Variants in GGA2 observed in about 807,000 individuals in gnomAD.
GGA2 encodes golgi associated, gamma adaptin ear containing, ARF binding protein 2.
In GGA2, 48 loss-of-function variants were observed where a neutral mutation model predicts 79.5. That is an observed-to-expected ratio of 0.60 (90% CI 0.48 to 0.77). The LOEUF is 0.77. Ranked by LOEUF, GGA2 falls within the 30% of genes least tolerant of loss-of-function variation. The pLI, the probability that GGA2 is intolerant of heterozygous loss-of-function variation, is 0.00. For missense variants in GGA2, 770 were observed against 774.0 expected (o/e 0.99, Z 0.06); for synonymous variants, 317 against 302.0 (o/e 1.05, Z -0.51).
At chr16:23,476,459 A>G (rs564385463) in intron 13 of GGA2, among the ~76,000 whole-genome samples, 1 of 152,306 alleles carries the variant, frequency 6.6e-6, no homozygotes, top group East Asian at 1.9e-4. Context: ...GATCTATACT[A>G]TAAGGCACTC....
chr16:23,523,051 T>C (rs763175275), upstream of GGA2: 6 of 152,226 alleles, frequency 3.9e-5, no homozygotes, highest in Non-Finnish European at 5.9e-5. Flanking sequence ...TTTTATGACT[T>C]ACCCTCAGAA....
chr16:23,514,860 A>G (rs967650169), upstream of GGA2, among the ~76,000 whole-genome samples: 1 of 152,092 alleles, frequency 6.6e-6, no homozygotes, highest in East Asian at 1.9e-4. Context: ...ATGTGTCAGA[A>G]TCAGGTTTGT....
chr16:23,485,354 A>C (rs1042921700), intron 8 of GGA2, among the ~76,000 whole-genome samples: 4 of 152,196 alleles, frequency 2.6e-5, no homozygotes, highest in African/African-American at 9.7e-5. Context: ...TTATCTCATA[A>C]AGATGCTATA....
chr16:23,488,704 T>C lies in GGA2; in HGVS notation c.481A>G (p.Ile161Val), dbSNP rs1394422343. Reference sequence around the variant, plus strand: ...ACTGGTAGTTTAGGGTCTTGTTTTATAATTCCTAAAAATGCAATTTACAAA... The same window carrying C: ...ACTGGTAGTTTAGGGTCTTGTTTTACAATTCCTAAAAATGCAATTTACAAA... ...AYQMLKKQGI[I>V]KQDPKLPVDK... Residue 161 changes from isoleucine to valine, a missense_variant, in exon 6 of 17, where the codon ATA (isoleucine) becomes GTA (valine). Ile to Val is a conservative substitution (Grantham distance 29). Transcript: ENST00000309859. 6.4e-7 allele frequency: 1 copy of C among 1,568,686 alleles called. No individual in the cohort carries two copies. The highest frequency in any genetic ancestry group is 8.8e-7 in the Non-Finnish European group (1 of 1,139,728).
At chr16:23,500,348 G>A (rs1417937879) in intron 1 of GGA2, among the ~76,000 whole-genome samples, 1 of 152,256 alleles carries the variant, frequency 6.6e-6, no homozygotes, top group African/African-American at 2.4e-5. Flanking sequence ...AACATGCTGA[G>A]CTGTTGCTTG....
At chr16:23,519,547 GT>G (rs773259154) in intron 2 of GGA2, 28 of 388,416 alleles carry the variant, frequency 7.2e-5, no homozygotes, top group Non-Finnish European at 1.1e-4. Flanking sequence ...TGGAATATTG[GT>G]TATTTAATTG....
intron 5 of GGA2, 147 bp downstream of exon 5, chr16:23,491,530 T>TA (rs34831881): frequency 0.036 from 10,594 of 297,718 alleles, 24 homozygotes; most frequent in South Asian, 0.053. Flanking sequence ...ATTTATTGCG[T>TA]AAAAAAAAAA....
chr16:23,494,539 G>A (rs997477039), intron 2 of GGA2, 161 bp from the exon 3 acceptor site: 1 of 635,250 alleles, frequency 1.6e-6, no homozygotes, highest in Admixed American at 2.6e-5. Flanking sequence ...CCTGGAGAGG[G>A]CCACCTCGCA....
At position 23,475,021 on chromosome 16, in the gene GGA2, G is replaced by T; in HGVS notation, c.1333C>A (p.Pro445Thr). ...SQKSVPKEVP[P>T]GTKSSPGWSW... ...CAACCTGGAGAGGACTTAGTACCTGGTGGCACTTCCTTGGGGACACTTTTC... is the reference window on the plus strand; with the variant it reads ...CAACCTGGAGAGGACTTAGTACCTGTTGGCACTTCCTTGGGGACACTTTTC... Residue 445 changes from proline (P) to threonine (T), a missense_variant, in exon 14 of 17, where the codon CCA becomes ACA. Physicochemically the swap from Pro to Thr is conservative, Grantham distance 38. Coordinates refer to ENST00000309859, the MANE Select transcript of GGA2 (RefSeq NM_015044.4). The T allele has an allele frequency of 1.2e-6, 2 of 1,603,934 alleles. No homozygotes were observed. The highest frequency in any genetic ancestry group is 2.3e-5 in the South Asian group (2 of 88,692).
rs1265761853 is a variant in GGA2, at chr16:23,464,275, G to A, written c.*3315C>T. On this transcript the variant is annotated 3_prime_UTR_variant, in exon 17 of 17. Coordinates refer to ENST00000309859, the MANE Select transcript of GGA2 (RefSeq NM_015044.4). ...GTCTTAAGTTCATGGAAGATAATAG[G>A]AAGAGTAATTAACTGCAGCAAAAGG... 1 of 152,194 alleles carries A rather than the reference G, an allele frequency of 6.6e-6. No homozygotes were observed. The highest frequency in any genetic ancestry group is 1.5e-5 in the Non-Finnish European group (1 of 68,050). The allele number at this position is 152,194 out of a possible 1,614,324, so 9.4% of individuals were successfully genotyped here. A position where few individuals can be genotyped will look rare whatever the true frequency, so the allele number is the denominator to read the frequency against.
At chr16:23,468,619 G>A (rs1010200480) in intron 16 of GGA2, among the ~76,000 whole-genome samples, 6 of 151,810 alleles carry the variant, frequency 4.0e-5, no homozygotes, top group African/African-American at 9.7e-5. Context: ...GACTAAAGGT[G>A]CGTGCCCCCA....
intron 3 of GGA2, 22 bp downstream of exon 3, chr16:23,494,281 C>A (rs773420855): frequency 6.6e-7 from 1 of 1,525,892 alleles, no homozygotes; most frequent in Non-Finnish European, 9.1e-7. Flanking sequence ...AAAGGTTAGG[C>A]TACAAGGCAA....
intron 1 of GGA2, chr16:23,519,689 A>G (rs1258294348): frequency 2.9e-6 from 1 of 347,538 alleles, no homozygotes; most frequent in Non-Finnish European, 5.9e-6. Context: ...TGAATGTTAG[A>G]AACTGTGCCA....
At chr16:23,484,404 C>T (rs912660222) in intron 8 of GGA2, among the ~76,000 whole-genome samples, 9 of 152,046 alleles carry the variant, frequency 5.9e-5, no homozygotes, top group African/African-American at 1.9e-4. Context: ...GGCGACAGAG[C>T]GAGACCTTGT....
chr16:23,513,046 G>C (rs1052663302), upstream of GGA2, among the ~76,000 whole-genome samples: 1 of 152,066 alleles, frequency 6.6e-6, no homozygotes, highest in African/African-American at 2.4e-5. Flanking sequence ...TGAAGATTCT[G>C]AACATCTGGC....
intron 14 of GGA2, among the ~76,000 whole-genome samples, chr16:23,474,175 C>T (rs952070991): frequency 5.3e-5 from 8 of 152,164 alleles, no homozygotes; most frequent in Non-Finnish European, 1.2e-4. Context: ...TTCATCCACT[C>T]GTTTGAATTC....
At chr16:23,485,189 G>A (rs1567363243) in intron 8 of GGA2, among the ~76,000 whole-genome samples, 3 of 152,178 alleles carry the variant, frequency 2.0e-5, no homozygotes, top group African/African-American at 4.8e-5. Context: ...AGCAAATCCA[G>A]AGAGACAGAA....
At chr16:23,520,480 T>C (rs1186415070) in intron 1 of GGA2, among the ~76,000 whole-genome samples, 1 of 151,994 alleles carries the variant, frequency 6.6e-6, no homozygotes, top group African/African-American at 2.4e-5. Context: ...TTATTTAAAA[T>C]GTATGAAATT....
At chr16:23,476,921 G>A (rs1156236019) in intron 13 of GGA2, among the ~76,000 whole-genome samples, 2 of 152,134 alleles carry the variant, frequency 1.3e-5, no homozygotes. Context: ...CTACGACTTA[G>A]GAAAAGAAGT....
Sources: gnomAD v4.1 joint callset for allele counts (sites outside exome capture counted in the v4.1 genomes callset) on GRCh38, gnomAD v4.1.1 for gene constraint, MANE v1.5 for transcripts, NCBI Gene and HGNC (gene_info 2026-07-23, HGNC 2026-07-21) for gene names.